The following ARMC2 variants were observed in gnomAD, a reference collection of about 807,000 sequenced individuals.
ARMC2 encodes armadillo repeat-containing protein 2.
ARMC2 carries 67 observed loss-of-function variants against 90.3 expected under a neutral mutation model. That is an observed-to-expected ratio of 0.74 (90% CI 0.61 to 0.91). The LOEUF is 0.91. Among genes scored for constraint, ARMC2 ranks in the 40% least tolerant of loss-of-function variants. The probability of loss-of-function intolerance (pLI) is 0.00; values close to 1 mark genes in which losing one functional copy is unlikely to be tolerated. For missense variants in ARMC2, 920 were observed against 1,030.9 expected (o/e 0.89, Z 1.47); for synonymous variants, 393 against 393.0 (o/e 1.00, Z 0.00).
chr6:108,972,970 A>T (rs1187699012), intron 17 of ARMC2, among the ~76,000 whole-genome samples: 1 of 152,078 alleles, frequency 6.6e-6, no homozygotes, highest in Non-Finnish European at 1.5e-5. Flanking sequence ...AACTGGCCAG[A>T]CTTTTTTTGA....
At chr6:108,916,019 A>G (rs1032285059) in intron 10 of ARMC2, among the ~76,000 whole-genome samples, 4 of 152,170 alleles carry the variant, frequency 2.6e-5, no homozygotes, top group Non-Finnish European at 5.9e-5. Context: ...TAGAATGGAG[A>G]CAAAGGAATG....
At chr6:108,945,563 A>C (rs1318321195) in intron 12 of ARMC2, among the ~76,000 whole-genome samples, 1 of 152,246 alleles carries the variant, frequency 6.6e-6, no homozygotes, top group East Asian at 1.9e-4. Flanking sequence ...GAGCCTTTGC[A>C]AACCCTGGGA....
At chr6:108,956,776 G>C (rs1465087770) in intron 13 of ARMC2, among the ~76,000 whole-genome samples, 3 of 152,180 alleles carry the variant, frequency 2.0e-5, no homozygotes, top group Non-Finnish European at 4.4e-5. Context: ...CAGATCACTT[G>C]AGGTCAGGAG....
chr6:108,948,535 G>A (rs934622606), intron 12 of ARMC2, among the ~76,000 whole-genome samples: 1 of 150,722 alleles, frequency 6.6e-6, no homozygotes. Flanking sequence ...TGCAGACGGC[G>A]CAATCTGCCA....
chr6:109,049,297 T>C, the ARMC2 span, among the ~76,000 whole-genome samples: 2 of 151,972 alleles, frequency 1.3e-5, no homozygotes, highest in Non-Finnish European at 2.9e-5. Context: ...CATCGTATGT[T>C]CTCACTCATA....
intron 5 of ARMC2, among the ~76,000 whole-genome samples, chr6:108,885,830 C>T (rs778857949): frequency 6.6e-6 from 1 of 152,198 alleles, no homozygotes; most frequent in Non-Finnish European, 1.5e-5. Flanking sequence ...ATGGAAGAGA[C>T]TATAAAGCAG....
chr6:108,953,318 C>A lies in ARMC2; in HGVS notation c.1882C>A (p.Pro628Thr), dbSNP rs752832300. Residue 628 changes from proline (P) to threonine (T), a missense_variant, in exon 13 of 18, where the codon CCG (proline) becomes ACG (threonine). Coordinates refer to ENST00000392644, the MANE Select transcript of ARMC2 (RefSeq NM_032131.6). ...PGVGPVLAAN[P>T]GIVGLLLTTL... ...CGTGGGCCCGGTGCTGGCCGCCAACCCGGGGATAGTGGGCCTGCTCCTGAC... is the reference window on the plus strand; with the variant it reads ...CGTGGGCCCGGTGCTGGCCGCCAACACGGGGATAGTGGGCCTGCTCCTGAC... 3 of 1,608,580 alleles carry A rather than the reference C, an allele frequency of 1.9e-6. No homozygotes were observed. The Admixed American group carries it at 5.0e-5, about 27-fold the overall frequency.
chr6:108,998,466 A>AT, the ARMC2 span: 1 of 1,604,670 alleles, frequency 6.2e-7, no homozygotes, highest in South Asian at 1.1e-5. Flanking sequence ...TATAACAGCA[A>AT]TTATTGTGAT....
Position 108,899,719 on chromosome 6 carries a change from G to C in ARMC2, c.774G>C (p.Glu258Asp), listed in dbSNP as rs747981959. Reference sequence around the variant, plus strand: ...TCCCAAAAGCTGACCTGCAAGAAGAGGACGCAGAAATAGAAGTAGACGAAG... The same window carrying C: ...TCCCAAAAGCTGACCTGCAAGAAGACGACGCAGAAATAGAAGTAGACGAAG... Reference protein sequence around the residue: ...KAVPKADLQEEDAEIEVDEVF... With the variant: ...KAVPKADLQEDDAEIEVDEVF... Residue 258 changes from glutamate (E) to aspartate (D), a missense_variant, in exon 7 of 18, where the codon GAG becomes GAC. Transcript: ENST00000392644. 6.2e-7 allele frequency: 1 copy of C among 1,613,634 alleles called. No individual in the cohort carries two copies. Among genetic ancestry groups the C allele is most frequent in the Non-Finnish European group, 8.5e-7 (1 of 1,179,758 alleles).
intron 12 of ARMC2, among the ~76,000 whole-genome samples, chr6:108,944,565 G>A (rs1041152026): frequency 2.6e-5 from 4 of 152,190 alleles, no homozygotes; most frequent in Non-Finnish European, 4.4e-5. Context: ...GACAAGCTGC[G>A]AGTTGCTGAT....
chr6:108,953,444 T>TCCTCA, intron 13 of ARMC2, 93 bp downstream of exon 13: 1 of 1,281,196 alleles, frequency 7.8e-7, no homozygotes, highest in East Asian at 2.5e-5. Context: ...GAGGATTTTA[T>TCCTCA]TATCACAAGT....
At chr6:108,987,493 T>C in the ARMC2 span, 3 of 1,026,364 alleles carry the variant, frequency 2.9e-6, no homozygotes, top group Non-Finnish European at 4.6e-6. Context: ...TTCCCCCTTG[T>C]AGACTATATC....
intron 3 of ARMC2, among the ~76,000 whole-genome samples, chr6:108,861,424 T>A (rs575632285): frequency 4.6e-5 from 7 of 152,368 alleles, no homozygotes; most frequent in Admixed American, 1.3e-4. Flanking sequence ...GTCTCCTACA[T>A]AACCATGATA....
chr6:108,914,418 G>A (rs1259926789), intron 10 of ARMC2, among the ~76,000 whole-genome samples: 1 of 152,080 alleles, frequency 6.6e-6, no homozygotes, highest in Non-Finnish European at 1.5e-5. Context: ...CCTCTAGGGG[G>A]CGCTGTAGAA....
At chr6:109,014,629 GTTTGT>G in the ARMC2 span, among the ~76,000 whole-genome samples, 21 of 152,092 alleles carry the variant, frequency 1.4e-4, no homozygotes, top group Admixed American at 8.5e-4. Flanking sequence ...TTTTTTGTTT[GTTTGT>G]TTTGTTTTGT....
At chr6:108,976,112 T>C (rs1054402604), downstream of ARMC2, among the ~76,000 whole-genome samples, 2 of 152,218 alleles carry the variant, frequency 1.3e-5, no homozygotes, top group African/African-American at 4.8e-5. Context: ...TGCCTAGGTT[T>C]TCTTCTAGGG....
chr6:108,930,834 A>T (rs1352685852), intron 11 of ARMC2, among the ~76,000 whole-genome samples: 1 of 151,132 alleles, frequency 6.6e-6, no homozygotes, highest in Non-Finnish European at 1.5e-5. Context: ...TGACCTCGTG[A>T]TCCCCCTGCC....
At chr6:108,988,330 G>C in the ARMC2 span, 4 of 403,770 alleles carry the variant, frequency 9.9e-6, no homozygotes, top group Admixed American at 8.9e-5. Flanking sequence ...TTCTGAAGAC[G>C]GGCCAGCCCA....
intron 10 of ARMC2, among the ~76,000 whole-genome samples, chr6:108,919,870 A>G (rs1047674394): frequency 2.6e-5 from 4 of 152,186 alleles, no homozygotes; most frequent in African/African-American, 9.7e-5. Flanking sequence ...ATATAAACGG[A>G]ATATACAGCA....
Sources: allele counts gnomAD v4.1 joint callset (sites outside exome capture counted in the v4.1 genomes callset), GRCh38; gene constraint gnomAD v4.1.1; transcripts MANE v1.5; gene names NCBI Gene and HGNC (gene_info 2026-07-23, HGNC 2026-07-21).